Variants in RIMS2 observed in about 807,000 individuals in gnomAD.
The protein encoded by RIMS2 is regulating synaptic membrane exocytosis 2, also known as regulating synaptic membrane exocytosis protein 2.
A neutral mutation model predicts 174.4 loss-of-function variants in RIMS2; 59 were observed. That is an observed-to-expected ratio of 0.34 (90% CI 0.27 to 0.42). RIMS2 has a LOEUF of 0.42. Ranked by LOEUF, RIMS2 falls within the 10% of genes least tolerant of loss-of-function variation. The pLI is 1.00. For missense variants in RIMS2, 1,620 were observed against 1,666.3 expected (o/e 0.97, Z 0.48); for synonymous variants, 606 against 572.5 (o/e 1.06, Z -0.84).
intron 3 of RIMS2, among the ~76,000 whole-genome samples, chr8:103,834,676 T>TTTTCTTCCTTCCTTTCTTTC (rs561054687): frequency 8.3e-6 from 1 of 120,012 alleles, no homozygotes; most frequent in Non-Finnish European, 1.8e-5. Context: ...TCTGAGGTCT[T>TTTTCTTCCTTCCTTTCTTTC]TTTCTTTCTT....
intron 1 of RIMS2, among the ~76,000 whole-genome samples, chr8:103,601,449 T>C (rs2094733097): frequency 1.3e-5 from 2 of 152,154 alleles, no homozygotes; most frequent in Admixed American, 1.3e-4. Flanking sequence ...ACAGTTTTTA[T>C]CTTGAAATCT....
intron 3 of RIMS2, among the ~76,000 whole-genome samples, chr8:103,805,893 G>T (rs375253359): frequency 1.3e-5 from 2 of 152,064 alleles, no homozygotes; most frequent in Non-Finnish European, 2.9e-5. Flanking sequence ...ATAAATTTTA[G>T]TTACATCTCT....
At chr8:104,225,698 T>C (rs7825885) in intron 19 of RIMS2, among the ~76,000 whole-genome samples, 3,894 of 152,256 alleles carry the variant, frequency 0.026, 144 homozygotes, top group African/African-American at 0.08. Context: ...AATTCCTACA[T>C]CTACACATGG....
At chr8:104,098,366 G>A (rs1264665969) in intron 19 of RIMS2, among the ~76,000 whole-genome samples, 3 of 151,980 alleles carry the variant, frequency 2.0e-5, no homozygotes, top group Non-Finnish European at 2.9e-5. Flanking sequence ...AAATGTCATC[G>A]GGATGGCCTC....
Position 103,530,259 on chromosome 8 carries a change from A to G in RIMS2, c.176+29197A>G, listed in dbSNP as rs79624850. 6.4e-3 allele frequency among the ~76,000 whole-genome samples: 975 copies of G among 152,328 alleles called. 11 individuals carry two copies. The highest frequency in any genetic ancestry group is 8.4e-3 in the Non-Finnish European group (572 of 68,020). On this transcript the variant is annotated intron_variant, in intron 1 of 23. Transcript: ENST00000504942. ...GCTGAGTTTATTTTAAAATGTTAGT[A>G]GCATAATGTACACCTTCCAAGCTAA...
At chr8:103,575,400 A>C (rs762121900) in intron 1 of RIMS2, among the ~76,000 whole-genome samples, 20 of 152,124 alleles carry the variant, frequency 1.3e-4, no homozygotes, top group Non-Finnish European at 2.4e-4. Flanking sequence ...TGAACATATG[A>C]TACCATATGA....
intron 1 of RIMS2, among the ~76,000 whole-genome samples, chr8:103,565,132 C>G (rs992903303): frequency 3.3e-5 from 5 of 152,162 alleles, no homozygotes; most frequent in African/African-American, 9.7e-5. Context: ...AAGATTTACA[C>G]TAGCCTAGGA....
chr8:104,091,651 T>TTA, intron 19 of RIMS2, among the ~76,000 whole-genome samples: 1 of 150,268 alleles, frequency 6.7e-6, no homozygotes, highest in East Asian at 1.9e-4. Flanking sequence ...AGTGTACATA[T>TTA]TATATATATT....
rs373767207 is a variant in RIMS2 at position 104,039,676 on chromosome 8, G to T, written c.3334+25061G>T. On this transcript the variant is annotated intron_variant, in intron 19 of 23. Transcript: ENST00000504942. ...GTAGTATGGAAAATGTGTATCTAGG[G>T]AAATTTTGTGTATAAAAACACAATG... Among the ~76,000 whole-genome samples the T allele has an allele frequency of 2.2e-4, 34 of 151,786 alleles. 1 individual carries two copies. Among genetic ancestry groups the T allele is most frequent in the African/African-American group, 7.9e-4 (33 of 41,520 alleles).
At chr8:104,247,441 T>C (rs1336938222) in intron 20 of RIMS2, among the ~76,000 whole-genome samples, 2 of 152,182 alleles carry the variant, frequency 1.3e-5, no homozygotes, top group Non-Finnish European at 2.9e-5. Context: ...ACATGGGTCA[T>C]ATTGGATTAG....
Position 104,083,677 on chromosome 8 carries a change from C to G in RIMS2, c.3334+69062C>G, listed in dbSNP as rs140607037. 1.8e-3 allele frequency among the ~76,000 whole-genome samples: 273 copies of G among 152,162 alleles called. 4 individuals carry two copies. The highest frequency in any genetic ancestry group is 0.01 in the Middle Eastern group (3 of 294). On this transcript the variant is annotated intron_variant, in intron 19 of 23. Transcript: ENST00000504942. Reference sequence around the variant, plus strand: ...AAACATAAGGGCTTTAAACTGGGTGCATTGGTTTAGATTAGCAGCAGGCAT... The same window carrying G: ...AAACATAAGGGCTTTAAACTGGGTGGATTGGTTTAGATTAGCAGCAGGCAT...
chr8:104,163,022 A>C (rs1447069), intron 19 of RIMS2, among the ~76,000 whole-genome samples: 45,004 of 152,006 alleles, frequency 0.3, 6,823 homozygotes, highest in African/African-American at 0.33. Context: ...TATTTGATAG[A>C]AACATCATAA....
intron 1 of RIMS2, among the ~76,000 whole-genome samples, chr8:103,552,477 AC>A (rs1848457880): frequency 6.6e-6 from 1 of 152,298 alleles, no homozygotes; most frequent in East Asian, 1.9e-4. Flanking sequence ...TAAATGTTAG[AC>A]CTAAAACCAT....
chr8:103,599,622 G>C (rs1027559337), intron 1 of RIMS2, among the ~76,000 whole-genome samples: 1 of 150,636 alleles, frequency 6.6e-6, no homozygotes, highest in Non-Finnish European at 1.5e-5. Context: ...AATTTTTTTT[G>C]TTTTGTTTTG....
At chr8:104,060,356 A>G (rs1175576407) in intron 19 of RIMS2, among the ~76,000 whole-genome samples, 7 of 150,762 alleles carry the variant, frequency 4.6e-5, no homozygotes, top group Non-Finnish European at 8.9e-5. Context: ...GTTTATTTGC[A>G]TAGAGTTGTT....
rs563192376 is a variant in RIMS2 at position 103,975,493 on chromosome 8, C to T, written c.2914C>T (p.Pro972Ser). 48 of 1,612,638 alleles carry T rather than the reference C, an allele frequency of 3.0e-5. No homozygotes were observed. The South Asian group carries it at 4.6e-4, about 16-fold the overall frequency. ...GACTAGATCATGGTCACCCAGTGTC[C>T]CTCCTCCACAAAGGTAAGATAGACT... The change falls in exon 16 of 24, where the codon CCT becomes TCT. Residue 972 changes from proline (P) to serine (S), a missense_variant. Transcript: ENST00000504942.
Position 104,006,778 on chromosome 8 carries a change from C to T in RIMS2, c.3045-6664C>T, listed in dbSNP as rs78505252. On this transcript the variant is annotated intron_variant, in intron 17 of 23. Transcript: ENST00000504942. ...TTAACCTTCTACAATTTGACCTCTA[C>T]CTCCAGTGCTTTACTGATAATATAT... Among the ~76,000 whole-genome samples the T allele has an allele frequency of 7.9e-3, 1,188 of 151,184 alleles. 12 individuals are homozygous for T. Among genetic ancestry groups the T allele is most frequent in the African/African-American group, 0.027 (1,126 of 41,348 alleles).
At chr8:103,988,552 C>T (rs1013857031) in intron 16 of RIMS2, among the ~76,000 whole-genome samples, 5 of 152,132 alleles carry the variant, frequency 3.3e-5, no homozygotes, top group African/African-American at 4.8e-5. Context: ...CTCCACCTCC[C>T]GGGTTCAAGC....
chr8:104,135,272 A>G (rs2098509036), intron 19 of RIMS2, among the ~76,000 whole-genome samples: 1 of 152,086 alleles, frequency 6.6e-6, no homozygotes, highest in African/African-American at 2.4e-5. Context: ...ACTATAGTGG[A>G]GCAACTGTGC....
Sources: gnomAD v4.1 joint callset for allele counts (sites outside exome capture counted in the v4.1 genomes callset) on GRCh38, gnomAD v4.1.1 for gene constraint, MANE v1.5 for transcripts, NCBI Gene and HGNC (gene_info 2026-07-23, HGNC 2026-07-21) for gene names.